TCP11L2: variants seen among roughly 807,000 people sequenced by gnomAD.
TCP11L2 encodes T-complex protein 11-like protein 2.
TCP11L2 carries 39 observed loss-of-function variants against 50.7 expected under a neutral mutation model. The observed-to-expected ratio is 0.77, with a 90% CI of 0.60 to 1.01. The LOEUF (loss-of-function observed/expected upper bound fraction) is 1.01. Among genes scored for constraint, TCP11L2 ranks in the 50% least tolerant of loss-of-function variants. The pLI, the probability that TCP11L2 is intolerant of heterozygous loss-of-function variation, is 0.00. For missense variants in TCP11L2, 612 were observed against 614.7 expected, an observed-to-expected ratio of 1.00 and a Z score of 0.05; for synonymous variants, 192 against 219.3, an observed-to-expected ratio of 0.88 and a Z score of 1.10.
At chr12:106,314,576 T>TGTGAGAGAGA (rs1469308055) in intron 3 of TCP11L2, 83 bp downstream of exon 3, 3 of 282,750 alleles carry the variant, frequency 1.1e-5, no homozygotes, top group African/African-American at 8.0e-5. Flanking sequence ...TGTGTGTGTG[T>TGTGAGAGAGA]GAGAGAGAGA....
chr12:106,314,570 TGTGTGTGAGAGA>T lies in TCP11L2; in HGVS notation c.293+79_293+90del, dbSNP rs1162709727. The stretch of plus-strand genomic sequence containing the variant: ...GTGTGTGTGTGTGTGTGTGTGTGTG[TGTGTGTGAGAGA>T]GAGAGAGAGAGAGAGAGAGACAGAG... On this transcript the variant is annotated intron_variant, in intron 3 of 9. Coordinates refer to ENST00000299045, the MANE Select transcript of TCP11L2 (RefSeq NM_152772.3). 2.7e-4 allele frequency: 261 copies of T among 975,708 alleles called. No homozygotes were observed. The African/African-American group carries it at 3.2e-3, about 12-fold the overall frequency. The allele number at this position is 975,708 out of a possible 1,614,324, so 60.4% of individuals were successfully genotyped here.
chr12:106,329,695 T>C (rs1483980658), intron 6 of TCP11L2: 2 of 1,128,118 alleles, frequency 1.8e-6, no homozygotes, highest in Non-Finnish European at 2.2e-6. Flanking sequence ...GGTAACTAAA[T>C]GGGCTCTTAA....
At chr12:106,307,350 ACCAGTGATTAAATCCT>A (rs1165603741) in intron 1 of TCP11L2, 1 of 152,118 alleles carries the variant, frequency 6.6e-6, no homozygotes, top group Non-Finnish European at 1.5e-5. Flanking sequence ...TTTACCTTTG[ACCAGTGATTAAATCCT>A]CCAGGTATGA....
chr12:106,300,320 A>G (rs1178919738), upstream of TCP11L2, among the ~76,000 whole-genome samples: 1 of 151,866 alleles, frequency 6.6e-6, no homozygotes. Flanking sequence ...CATTTTTTCA[A>G]AGTGTTGTTT....
At chr12:106,310,460 A>C (rs1014559700) in intron 1 of TCP11L2, among the ~76,000 whole-genome samples, 3 of 152,232 alleles carry the variant, frequency 2.0e-5, no homozygotes, top group African/African-American at 7.2e-5. Flanking sequence ...GGTTCACAGA[A>C]AGCGTAAAGA....
At chr12:106,312,139 A>C (rs2136638101) in intron 2 of TCP11L2, among the ~76,000 whole-genome samples, 1 of 152,316 alleles carries the variant, frequency 6.6e-6, no homozygotes, top group East Asian at 1.9e-4. Flanking sequence ...TATTATAACT[A>C]AAACATTTAC....
At position 106,321,536 on chromosome 12, in the gene TCP11L2, C is replaced by G. The variant is rs1391555151; in HGVS notation, c.465C>G (p.Ile155Met). The change falls in exon 5 of 10, where the codon ATC becomes ATG. Residue 155 changes from isoleucine (I) to methionine (M), a missense_variant. Transcript: ENST00000299045. ...TPGGNRLRNQ[I>M]CEVLDTDLIR... ...GTGGCAACCGGCTTCGCAACCAAATCTGTGAAGTTTTGGACACAGACCTCA... is the reference window on the plus strand; with the variant it reads ...GTGGCAACCGGCTTCGCAACCAAATGTGTGAAGTTTTGGACACAGACCTCA... The G allele has an allele frequency of 1.2e-6, 2 of 1,614,224 alleles. No individual in the cohort carries two copies.
intron 6 of TCP11L2, among the ~76,000 whole-genome samples, chr12:106,334,148 C>T (rs1228722891): frequency 6.6e-6 from 1 of 152,092 alleles, no homozygotes; most frequent in African/African-American, 2.4e-5. Flanking sequence ...GTATGAGATG[C>T]AGAAGCACAG....
intron 9 of TCP11L2, among the ~76,000 whole-genome samples, chr12:106,343,465 A>G (rs2036146631): frequency 6.6e-6 from 1 of 152,118 alleles, no homozygotes; most frequent in South Asian, 2.1e-4. Context: ...TCCTCTGCTA[A>G]GGGTACCCAC....
intron 8 of TCP11L2, among the ~76,000 whole-genome samples, 168 bp downstream of exon 8, chr12:106,336,381 G>T (rs1271040854): frequency 6.6e-6 from 1 of 152,088 alleles, no homozygotes; most frequent in African/African-American, 2.4e-5. Context: ...TGAAGGCTTA[G>T]ATGTCCTCTC....
upstream of TCP11L2, among the ~76,000 whole-genome samples, chr12:106,302,320 C>CCCCCCGCTCAGCCGCCGCTCAG (rs2034439328): frequency 1.2e-3 from 49 of 40,074 alleles, 2 homozygotes; most frequent in Non-Finnish European, 1.6e-3. Flanking sequence ...AGCCCCCGCT[C>CCCCCCGCTCAGCCGCCGCTCAG]CCCCCGCTCA....
At chr12:106,335,446 C>A (rs2035882780) in intron 6 of TCP11L2, among the ~76,000 whole-genome samples, 193 bp from the exon 7 acceptor site, 2 of 152,216 alleles carry the variant, frequency 1.3e-5, no homozygotes, top group African/African-American at 4.8e-5. Flanking sequence ...CCCACAATTA[C>A]TAGCATTCAT....
chr12:106,346,440 G>A lies in TCP11L2; in HGVS notation c.1470G>A (p.Val490=). The A allele has an allele frequency of 6.2e-7, 1 of 1,614,170 alleles. No individual in the cohort carries two copies. Among genetic ancestry groups the A allele is most frequent in the African/African-American group, 1.3e-5 (1 of 75,058 alleles). Residue 490 remains valine (V), a synonymous_variant, in exon 10 of 10, where the codon GTG becomes GTA. Transcript: ENST00000299045. ...ACATTGTGAATCTCAACAAACAAGT[G>A]TATGGACCATTTTATGCAAATATAC... ...YANIVNLNKQ[V]YGPFYANILR...
chr12:106,345,042 C>G (rs540850307), intron 9 of TCP11L2, among the ~76,000 whole-genome samples: 15 of 152,136 alleles, frequency 9.9e-5, no homozygotes, highest in Admixed American at 1.3e-4. Context: ...CCTCTGTTGC[C>G]CAGGCTGGAG....
Position 106,340,891 on chromosome 12 carries a change from C to G in TCP11L2, c.1208C>G (p.Thr403Ser). The change falls in exon 9 of 10, where the codon ACC becomes AGC. Residue 403 changes from threonine (T) to serine (S), a missense_variant. Physicochemically the swap from Thr to Ser is moderately conservative, Grantham distance 58 (BLOSUM62 1). Coordinates refer to ENST00000299045, the MANE Select transcript of TCP11L2 (RefSeq NM_152772.3). ...CAGACTTGTGTTGAGGTTAACAAGA[C>G]CCTGATGGAAAGAGGTTTACCCACT... ...GIQTCVEVNK[T>S]LMERGLPTLN... 1.9e-6 allele frequency: 3 copies of G among 1,613,558 alleles called. No individual in the cohort carries two copies. Among genetic ancestry groups the G allele is most frequent in the East Asian group, 2.2e-5 (1 of 44,804 alleles).
chr12:106,326,901 T>C (rs1006352537), intron 6 of TCP11L2, among the ~76,000 whole-genome samples: 2 of 152,212 alleles, frequency 1.3e-5, no homozygotes, highest in Non-Finnish European at 2.9e-5. Context: ...CTCCAAGGGC[T>C]ATGTTGTTTT....
At chr12:106,322,293 A>C (rs1190186935) in intron 5 of TCP11L2, among the ~76,000 whole-genome samples, 1 of 152,172 alleles carries the variant, frequency 6.6e-6, no homozygotes, top group Admixed American at 6.5e-5. Context: ...TTCAGCTGGC[A>C]AATGGGAAAG....
intron 3 of TCP11L2, among the ~76,000 whole-genome samples, chr12:106,318,133 T>C (rs913803574): frequency 1.3e-5 from 2 of 152,218 alleles, no homozygotes; most frequent in African/African-American, 4.8e-5. Flanking sequence ...CAAGACAGAA[T>C]GTTAAATGAA....
At chr12:106,341,848 C>T (rs915674899) in intron 9 of TCP11L2, among the ~76,000 whole-genome samples, 5 of 152,190 alleles carry the variant, frequency 3.3e-5, no homozygotes, top group Non-Finnish European at 7.3e-5. Flanking sequence ...CTCAGTGGCT[C>T]CAGTTAGCCT....
Sources: allele counts gnomAD v4.1 joint callset (sites outside exome capture counted in the v4.1 genomes callset), GRCh38; gene constraint gnomAD v4.1.1; transcripts MANE v1.5; gene names NCBI Gene and HGNC (gene_info 2026-07-23, HGNC 2026-07-21).